The following BIN3 variants were observed in gnomAD, a reference collection of about 807,000 sequenced individuals.
BIN3 encodes bridging integrator 3.
BIN3 carries 41 observed loss-of-function variants against 38.2 expected under a neutral mutation model. The ratio of observed to expected loss-of-function variants is 1.07; its 90% CI spans 0.84 to 1.39. BIN3 has a LOEUF of 1.39. BIN3 is among the 40% of genes most tolerant of loss of function. The pLI is 0.00. For synonymous variants in BIN3, 145 were observed against 122.6 expected, an observed-to-expected ratio of 1.18 and a Z score of -1.21; for missense variants, 361 against 324.3, an observed-to-expected ratio of 1.11 and a Z score of -0.87.
At chr8:22,666,289 G>C (rs1197668059) in intron 1 of BIN3, among the ~76,000 whole-genome samples, 3 of 150,688 alleles carry the variant, frequency 2.0e-5, no homozygotes, top group South Asian at 2.1e-4. Context: ...TGGAAGATGG[G>C]GAAGAGAGAC....
chr8:22,634,489 T>A (rs1423434813), intron 4 of BIN3: 1 of 456,262 alleles, frequency 2.2e-6, no homozygotes, highest in East Asian at 6.9e-5. Flanking sequence ...GTAGGAAAGG[T>A]GTGTTTACAC....
In BIN3 at chr8:22,624,244, G is replaced by A. The variant is rs200727571; in HGVS notation, c.458C>T (p.Pro153Leu). 18 of 1,613,842 alleles carry A rather than the reference G, an allele frequency of 1.1e-5. No homozygotes were observed. In the African/African-American group the frequency reaches 2.3e-4, roughly 20 times the overall value. The change falls in exon 7 of 9, where the codon CCA becomes CTA. Residue 153 changes from proline (P) to leucine (L), a missense_variant. Pro to Leu is a moderately conservative substitution (Grantham distance 98, BLOSUM62 -3). Coordinates refer to ENST00000276416, the MANE Select transcript of BIN3 (RefSeq NM_018688.6). Reference protein sequence around the residue: ...EKYEEKEKTGPVLAKLHQARE... With the variant: ...EKYEEKEKTGLVLAKLHQARE... ...TACCTGGTGGAGCTTGGCCAGCACT[G>A]GCCCCGTCTTCTCCTTTTCCTCATA...
chr8:22,634,742 C>T (rs961408182), intron 4 of BIN3, among the ~76,000 whole-genome samples: 12 of 152,100 alleles, frequency 7.9e-5, no homozygotes, highest in Non-Finnish European at 1.5e-4. Flanking sequence ...GGATGGGCAA[C>T]GGTTCCGGAG....
At chr8:22,635,385 C>T (rs998353304) in intron 4 of BIN3, among the ~76,000 whole-genome samples, 3 of 152,148 alleles carry the variant, frequency 2.0e-5, no homozygotes, top group African/African-American at 4.8e-5. Flanking sequence ...GGTTCTCGGT[C>T]AGCATCTGCT....
At chr8:22,640,503 A>C (rs1330663207) in intron 2 of BIN3, among the ~76,000 whole-genome samples, 1 of 152,070 alleles carries the variant, frequency 6.6e-6, no homozygotes, top group East Asian at 1.9e-4. Context: ...TCTTTCCTCT[A>C]ACCTTGCAGG....
chr8:22,625,360 C>A, intron 6 of BIN3: 1 of 702,586 alleles, frequency 1.4e-6, no homozygotes, highest in Non-Finnish European at 2.6e-6. Context: ...CCAGGGAGCT[C>A]ATGACTCTGT....
chr8:22,649,794 T>C (rs1283254256), intron 1 of BIN3, among the ~76,000 whole-genome samples: 3 of 134,662 alleles, frequency 2.2e-5, no homozygotes, highest in South Asian at 2.4e-4. Flanking sequence ...CTGGAAGAGA[T>C]AGAAAAACGC....
chr8:22,625,119 C>T (rs563492588), intron 6 of BIN3: 21 of 545,786 alleles, frequency 3.8e-5, no homozygotes, highest in South Asian at 2.9e-4. Context: ...TAGAAGGGAC[C>T]GCGTGGGAGA....
chr8:22,652,059 T>G (rs1802915507), intron 1 of BIN3, among the ~76,000 whole-genome samples: 1 of 151,948 alleles, frequency 6.6e-6, no homozygotes, highest in Non-Finnish European at 1.5e-5. Flanking sequence ...CAGGATGTCC[T>G]TTTAAAATGG....
chr8:22,631,577 G>A (rs954667874), intron 4 of BIN3, among the ~76,000 whole-genome samples: 5 of 152,196 alleles, frequency 3.3e-5, no homozygotes, highest in African/African-American at 1.2e-4. Flanking sequence ...GGCTGAGTGC[G>A]CCAGCCGGGC....
At position 22,636,907 on chromosome 8, in the gene BIN3, G is replaced by A; in HGVS notation, c.98+15C>T. The A allele has an allele frequency of 6.2e-7, 1 of 1,610,906 alleles. No individual in the cohort carries two copies. Among genetic ancestry groups the A allele is most frequent in the Non-Finnish European group, 8.5e-7 (1 of 1,177,142 alleles). ...TCCCTGCCTCCCACCTCATCTTTCT[G>A]GGGTTGACACTCACTGCTGAAGTTT... On this transcript the variant is annotated intron_variant, in intron 3 of 8. Transcript: ENST00000276416.
intron 1 of BIN3, among the ~76,000 whole-genome samples, chr8:22,646,634 C>T (rs1418926364): frequency 1.3e-5 from 2 of 152,130 alleles, no homozygotes; most frequent in Non-Finnish European, 2.9e-5. Flanking sequence ...CTGGCTGATT[C>T]GCATCTTCTG....
intron 1 of BIN3, among the ~76,000 whole-genome samples, chr8:22,668,519 T>C (rs1263241793): frequency 6.6e-6 from 1 of 151,978 alleles, no homozygotes; most frequent in Non-Finnish European, 1.5e-5. Flanking sequence ...GTGTGCGGAG[T>C]GTAATTCTGG....
At chr8:22,668,128 A>G (rs1329322406) in intron 1 of BIN3, among the ~76,000 whole-genome samples, 1 of 152,144 alleles carries the variant, frequency 6.6e-6, no homozygotes, top group Non-Finnish European at 1.5e-5. Flanking sequence ...TTGTGGCTAT[A>G]TAGGTCCTTG....
At chr8:22,646,903 GCAAGGACCACTCTGGAGA>G (rs1802730344) in intron 1 of BIN3, among the ~76,000 whole-genome samples, 4 of 147,594 alleles carry the variant, frequency 2.7e-5, no homozygotes, top group African/African-American at 5.4e-5. Context: ...GGTCCTGGTG[GCAAGGACCACTCTGGAGA>G]CATTGCAAAT....
rs78385804 is a variant in BIN3, at chr8:22,621,574, G to A, written c.616-6C>T. ...ATTTCCGAGTAGTACACAACCTGGG[G>A]GAGGCGACAGGGGTTGGCACGTGCT... On this transcript the variant is annotated splice_region_variant and splice_polypyrimidine_tract_variant and intron_variant, in intron 8 of 8. Coordinates refer to ENST00000276416, the MANE Select transcript of BIN3 (RefSeq NM_018688.6). The A allele has an allele frequency of 7.2e-3, 11,582 of 1,613,310 alleles. 692 individuals are homozygous for A. In the African/African-American group the frequency reaches 0.13, roughly 18 times the overall value.
chr8:22,629,683 C>T (rs1215675588), intron 6 of BIN3: 4 of 529,632 alleles, frequency 7.6e-6, no homozygotes, highest in South Asian at 4.9e-5. Context: ...CAGGAGGAAG[C>T]GGTCAAATGA....
At chr8:22,644,979 TAAGA>T (rs1351225341) in intron 1 of BIN3, 176 bp from the exon 2 acceptor site, 10 of 574,048 alleles carry the variant, frequency 1.7e-5, no homozygotes, top group Non-Finnish European at 6.4e-6. Flanking sequence ...GGCTTGGTTC[TAAGA>T]GAGAGATAGG....
At chr8:22,642,319 G>C (rs936547507) in intron 2 of BIN3, among the ~76,000 whole-genome samples, 3 of 137,708 alleles carry the variant, frequency 2.2e-5, no homozygotes, top group African/African-American at 8.1e-5. Flanking sequence ...CACAGCCCAG[G>C]CCTGTTTTGG....
Sources: gnomAD v4.1 joint callset for allele counts (sites outside exome capture counted in the v4.1 genomes callset) on GRCh38, gnomAD v4.1.1 for gene constraint, MANE v1.5 for transcripts, NCBI Gene and HGNC (gene_info 2026-07-23, HGNC 2026-07-21) for gene names.